The following WDR70 variants were observed in gnomAD, a reference collection of about 807,000 sequenced individuals.
WDR70 encodes the protein WD repeat domain 70.
In WDR70, 53 loss-of-function variants were observed where a neutral mutation model predicts 88.6. The observed-to-expected ratio is 0.60, with a 90% confidence interval of 0.48 to 0.75. The LOEUF is 0.75. Ranked by LOEUF, WDR70 falls within the 30% of genes least tolerant of loss-of-function variation. The pLI is 0.00. For synonymous variants in WDR70, 280 were observed against 270.0 expected (o/e 1.04, Z -0.36); for missense variants, 610 against 823.2 (o/e 0.74, Z 3.17).
chr5:37,691,150 C>A (rs933127113), intron 10 of WDR70, among the ~76,000 whole-genome samples: 3 of 152,158 alleles, frequency 2.0e-5, no homozygotes. Flanking sequence ...GTAAAGAGAT[C>A]AATTCAAGAA....
Position 37,431,076 on chromosome 5 carries a change from A to T in WDR70, c.493-6846A>T, listed in dbSNP as rs545429551. Among the ~76,000 whole-genome samples, 4 of 151,950 alleles carry T rather than the reference A, an allele frequency of 2.6e-5. No homozygotes were observed. In the East Asian group the frequency reaches 5.8e-4, roughly 22 times the overall value. ...ACTGTGTTGGCTAGGCTGGTCTGGA[A>T]CTCCTGACCTTAGGTGATCAGGCTG... On this transcript the variant is annotated intron_variant, in intron 5 of 17. Coordinates refer to ENST00000265107, the MANE Select transcript of WDR70 (RefSeq NM_018034.4).
chr5:37,671,766 T>C (rs985092315), intron 10 of WDR70, among the ~76,000 whole-genome samples: 2 of 152,204 alleles, frequency 1.3e-5, no homozygotes, highest in Non-Finnish European at 2.9e-5. Context: ...GACTGACTTT[T>C]GGTACCACTG....
chr5:37,410,125 T>C (rs1423121104), intron 5 of WDR70, among the ~76,000 whole-genome samples: 1 of 151,908 alleles, frequency 6.6e-6, no homozygotes, highest in Non-Finnish European at 1.5e-5. Context: ...AAGCAGTGCT[T>C]CTGCCTAAGC....
At chr5:37,535,644 A>G (rs909479560) in intron 9 of WDR70, among the ~76,000 whole-genome samples, 1 of 152,172 alleles carries the variant, frequency 6.6e-6, no homozygotes, top group African/African-American at 2.4e-5. Flanking sequence ...GGTTGTTAAC[A>G]TTTTCCAGTG....
At chr5:37,525,112 C>G (rs1340133186) in intron 9 of WDR70, among the ~76,000 whole-genome samples, 1 of 152,170 alleles carries the variant, frequency 6.6e-6, no homozygotes, top group Non-Finnish European at 1.5e-5. Flanking sequence ...TAGAACTCAG[C>G]TCTGCACCAA....
intron 13 of WDR70, among the ~76,000 whole-genome samples, chr5:37,719,217 T>A (rs1012325400): frequency 6.6e-6 from 1 of 152,156 alleles, no homozygotes; most frequent in Non-Finnish European, 1.5e-5. Flanking sequence ...AGCTGCACTT[T>A]GTAGACCATG....
At chr5:37,639,519 T>TTTGTTGTTGTTG (rs570968087) in intron 10 of WDR70, among the ~76,000 whole-genome samples, 1 of 152,014 alleles carries the variant, frequency 6.6e-6, no homozygotes, top group Admixed American at 6.6e-5. Flanking sequence ...TCTTAATTCC[T>TTTGTTGTTGTTG]TTGTTGTTGT....
intron 9 of WDR70, among the ~76,000 whole-genome samples, chr5:37,556,789 A>G (rs1316700670): frequency 6.6e-6 from 1 of 152,218 alleles, no homozygotes; most frequent in Non-Finnish European, 1.5e-5. Flanking sequence ...TCATGTGTCA[A>G]TTAGGGATAC....
chr5:37,694,973 A>G (rs1329865259), intron 10 of WDR70, among the ~76,000 whole-genome samples: 1 of 152,272 alleles, frequency 6.6e-6, no homozygotes, highest in Non-Finnish European at 1.5e-5. Flanking sequence ...CTGTTCTCCC[A>G]TTGCTAGAAA....
intron 9 of WDR70, among the ~76,000 whole-genome samples, chr5:37,563,521 C>A (rs1297848689): frequency 1.5e-5 from 1 of 64,762 alleles, no homozygotes. Flanking sequence ...AGGCGCCCCT[C>A]ACCTCCCGGA....
chr5:37,750,936 T>G (rs1172272812), intron 17 of WDR70, among the ~76,000 whole-genome samples: 2 of 152,238 alleles, frequency 1.3e-5, no homozygotes, highest in Non-Finnish European at 2.9e-5. Flanking sequence ...TCCTGTAATT[T>G]GCCATTTAAT....
chr5:37,725,575 C>T (rs890451388), intron 16 of WDR70, among the ~76,000 whole-genome samples: 1 of 152,064 alleles, frequency 6.6e-6, no homozygotes, highest in Non-Finnish European at 1.5e-5. Flanking sequence ...ATAGCACGTA[C>T]CTTGACTAGA....
chr5:37,384,098 AC>A (rs1415095700), intron 3 of WDR70, among the ~76,000 whole-genome samples: 1 of 151,730 alleles, frequency 6.6e-6, no homozygotes, highest in African/African-American at 2.4e-5. Context: ...AAAAAGCTTA[AC>A]CAAGATACCT....
intron 9 of WDR70, among the ~76,000 whole-genome samples, chr5:37,592,246 ATTTAAAAAAAT>A (rs992450080): frequency 1.3e-5 from 2 of 152,234 alleles, no homozygotes; most frequent in Non-Finnish European, 2.9e-5. Context: ...TTTATATAAT[ATTTAAAAAAAT>A]TTTTTGCATC....
chr5:37,506,970 C>T, intron 8 of WDR70: 1 of 659,532 alleles, frequency 1.5e-6, no homozygotes, highest in Non-Finnish European at 2.8e-6. Flanking sequence ...ATTCACCTCC[C>T]TTTGCCACCT....
At chr5:37,593,848 G>A (rs537606058) in intron 9 of WDR70, among the ~76,000 whole-genome samples, 1 of 152,234 alleles carries the variant, frequency 6.6e-6, no homozygotes, top group African/African-American at 2.4e-5. Context: ...CATTCTTACT[G>A]GCGTAAGATG....
chr5:37,609,280 G>A (rs1341405369), intron 10 of WDR70, among the ~76,000 whole-genome samples: 1 of 152,118 alleles, frequency 6.6e-6, no homozygotes, highest in African/African-American at 2.4e-5. Flanking sequence ...CTATGTTCAT[G>A]TCTCTTTATA....
intron 9 of WDR70, among the ~76,000 whole-genome samples, chr5:37,600,756 G>A (rs552080266): frequency 6.6e-6 from 1 of 152,204 alleles, no homozygotes; most frequent in South Asian, 2.1e-4. Context: ...AATTAAAACT[G>A]TTGATGAGGA....
chr5:37,665,795 G>C lies in WDR70; in HGVS notation c.1093-31860G>C, dbSNP rs532046128. 5.3e-5 allele frequency among the ~76,000 whole-genome samples: 8 copies of C among 152,318 alleles called. No homozygotes were observed. The South Asian group carries it at 1.4e-3, about 28-fold the overall frequency. ...GGAAAGTTGCTTTGTCGTATAGTTG[G>C]ATTGTACTCCCTTTGGAAGCTTTGT... On this transcript the variant is annotated intron_variant, in intron 10 of 17. Coordinates refer to ENST00000265107, the MANE Select transcript of WDR70 (RefSeq NM_018034.4).
Sources: gnomAD v4.1 joint callset for allele counts (sites outside exome capture counted in the v4.1 genomes callset) on GRCh38, gnomAD v4.1.1 for gene constraint, MANE v1.5 for transcripts, NCBI Gene and HGNC (gene_info 2026-07-23, HGNC 2026-07-21) for gene names.